AP1G1: variants seen among roughly 807,000 people sequenced by gnomAD.
AP1G1 encodes adaptor related protein complex 1 subunit gamma 1, also known as AP-1 complex subunit gamma-1.
AP1G1 carries 7 observed loss-of-function variants against 108.3 expected under a neutral mutation model. That is an observed-to-expected ratio of 0.06 (90% CI 0.04 to 0.12). The LOEUF (loss-of-function observed/expected upper bound fraction) is 0.12, where lower values mean the gene tolerates loss of function less well. Ranked by LOEUF, AP1G1 falls within the 10% of genes least tolerant of loss-of-function variation. The pLI is 1.00. For synonymous variants in AP1G1, 379 were observed against 353.5 expected (o/e 1.07, Z -0.81); for missense variants, 756 against 1,010.7 (o/e 0.75, Z 3.42).
Position 71,750,267 on chromosome 16 carries a change from C to A in AP1G1, c.1350G>T (p.Glu450Asp). 6.2e-7 allele frequency: 1 copy of A among 1,614,076 alleles called. No homozygotes were observed. The highest frequency in any genetic ancestry group is 8.5e-7 in the Non-Finnish European group (1 of 1,179,958). The change falls in exon 14 of 23, where the codon GAG becomes GAT. Residue 450 changes from glutamate to aspartate, a missense_variant. Glu to Asp is a conservative substitution (Grantham distance 45). This residue lies in a region of AP1G1 where 357 missense variants were observed against 366.5 expected (regional missense o/e 0.97). Coordinates refer to ENST00000299980, the MANE Select transcript of AP1G1 (RefSeq NM_001128.6). ...GGCGCTGGACAGTATAGGCATGCAT[C>A]TCCACACTATTAGTTATTAACTGGA... ...NLIQLITNSV[E>D]MHAYTVQRLY...
intron 21 of AP1G1, among the ~76,000 whole-genome samples, chr16:71,738,715 T>C (rs1261026936): frequency 1.3e-5 from 2 of 152,186 alleles, no homozygotes; most frequent in African/African-American, 4.8e-5. Context: ...TTAGAATTGT[T>C]TTTCTTTATC....
intron 19 of AP1G1, chr16:71,743,360 G>A (rs2029970670): frequency 6.6e-6 from 1 of 152,022 alleles, no homozygotes; most frequent in South Asian, 2.1e-4. Context: ...GTTATCCTAT[G>A]TCTATTTTTT....
chr16:71,753,902 G>A lies in AP1G1; in HGVS notation c.1230-15C>T. On this transcript the variant is annotated splice_polypyrimidine_tract_variant and intron_variant, in intron 12 of 22. Transcript: ENST00000299980. ...AAGGTGCATACCTGAAAAAAACAATGGAAAGGGACACTTGGAACCAGTAAA... is the reference window on the plus strand; with the variant it reads ...AAGGTGCATACCTGAAAAAAACAATAGAAAGGGACACTTGGAACCAGTAAA... The A allele has an allele frequency of 6.2e-7, 1 of 1,612,880 alleles. No individual in the cohort carries two copies. The highest frequency in any genetic ancestry group is 8.5e-7 in the Non-Finnish European group (1 of 1,179,080).
chr16:71,807,853 A>G, intron 1 of AP1G1: 1 of 1,288,726 alleles, frequency 7.8e-7, no homozygotes, highest in Non-Finnish European at 1.0e-6. Context: ...GGGATATATA[A>G]TAGGGGAGAA....
chr16:71,801,646 C>T (rs767170021), intron 1 of AP1G1, among the ~76,000 whole-genome samples: 2 of 152,152 alleles, frequency 1.3e-5, no homozygotes, highest in Non-Finnish European at 2.9e-5. Context: ...CTCTTCAAGG[C>T]CGGGCGCGGT....
Position 71,758,502 on chromosome 16 carries a change from C to T in AP1G1, c.1088+306G>A, listed in dbSNP as rs573402319. 2.5e-5 allele frequency: 14 copies of T among 552,812 alleles called. No individual in the cohort carries two copies. In the East Asian group the frequency reaches 5.7e-4, roughly 23 times the overall value. 34.2% of individuals were successfully genotyped at this position (552,812 alleles called of 1,614,324 possible). On this transcript the variant is annotated intron_variant, in intron 11 of 22. Transcript: ENST00000299980. ...TCCAACACACAAAGCACAGTACCTC[C>T]ACTAGGTAAACTTTTGCCTAGCTTA...
chr16:71,779,716 T>C (rs1232073121), intron 2 of AP1G1, among the ~76,000 whole-genome samples: 1 of 152,148 alleles, frequency 6.6e-6, no homozygotes, highest in East Asian at 1.9e-4. Context: ...TTTCTGGCCT[T>C]TTTACATCTT....
intron 1 of AP1G1, among the ~76,000 whole-genome samples, chr16:71,792,761 G>A (rs776652655): frequency 6.8e-4 from 104 of 152,248 alleles, no homozygotes; most frequent in Non-Finnish European, 1.4e-3. Context: ...GGCTGAGGCA[G>A]GAGAATCGCT....
chr16:71,777,040 C>T (rs528775879), intron 2 of AP1G1, among the ~76,000 whole-genome samples: 4 of 122,666 alleles, frequency 3.3e-5, no homozygotes, highest in Admixed American at 2.2e-4. Flanking sequence ...AATTTGAAGG[C>T]GGGAGGTTGC....
chr16:71,798,595 A>G (rs2032669390), intron 1 of AP1G1, among the ~76,000 whole-genome samples: 1 of 151,954 alleles, frequency 6.6e-6, no homozygotes, highest in Non-Finnish European at 1.5e-5. Flanking sequence ...ATTAAAAGAT[A>G]AATGAGGCCG....
At chr16:71,789,636 G>A (rs531147222) in intron 1 of AP1G1, among the ~76,000 whole-genome samples, 154 bp from the exon 2 acceptor site, 82 of 152,262 alleles carry the variant, frequency 5.4e-4, no homozygotes, top group African/African-American at 1.9e-3. Context: ...CTAAGCTTCC[G>A]CAAAGCTATT....
chr16:71,746,245 C>T (rs2030173579), intron 17 of AP1G1, among the ~76,000 whole-genome samples: 1 of 152,154 alleles, frequency 6.6e-6, no homozygotes, highest in African/African-American at 2.4e-5. Context: ...CTCTTGACCT[C>T]GTGATCTGCC....
rs372259350 is a variant in AP1G1, at chr16:71,753,890, G to A, written c.1230-3C>T. 340 of 1,611,768 alleles carry A rather than the reference G, an allele frequency of 2.1e-4. No homozygotes were observed. Among genetic ancestry groups the A allele is most frequent in the Non-Finnish European group, 1.8e-4 (217 of 1,179,224 alleles). On this transcript the variant is annotated splice_region_variant and splice_polypyrimidine_tract_variant and intron_variant, in intron 12 of 22. Coordinates refer to ENST00000299980, the MANE Select transcript of AP1G1 (RefSeq NM_001128.6). ...GCCATCGTTTGGAAGGTGCATACCT[G>A]AAAAAAACAATGGAAAGGGACACTT...
chr16:71,747,454 C>T (rs899668436), intron 16 of AP1G1: 1 of 152,106 alleles, frequency 6.6e-6, no homozygotes. Flanking sequence ...GTGGTGTGCG[C>T]CTGTAATCCC....
chr16:71,753,998 G>C (rs1295309346), intron 12 of AP1G1, 111 bp from the exon 13 acceptor site: 3 of 988,296 alleles, frequency 3.0e-6, no homozygotes, highest in African/African-American at 3.2e-5. Context: ...CCAACATCTT[G>C]GGAGGCCGAG....
At chr16:71,740,959 G>A (rs2045612013) in intron 19 of AP1G1, among the ~76,000 whole-genome samples, 1 of 152,164 alleles carries the variant, frequency 6.6e-6, no homozygotes, top group African/African-American at 2.4e-5. Context: ...CCTGTGAGGG[G>A]TGGTATAAAG....
In AP1G1 at chr16:71,729,059, C is replaced by G. The variant is rs927301938; in HGVS notation, c.*3999G>C. ...GTCACTGTTCATAATTTGTTTCAACCAAAAGACAGTACACACAGCAGAATT... is the reference window on the plus strand; with the variant it reads ...GTCACTGTTCATAATTTGTTTCAACGAAAAGACAGTACACACAGCAGAATT... On this transcript the variant is annotated 3_prime_UTR_variant, in exon 23 of 23. Transcript: ENST00000299980. 2 of 152,516 alleles carry G rather than the reference C, an allele frequency of 1.3e-5. No individual in the cohort carries two copies. Among genetic ancestry groups the G allele is most frequent in the African/African-American group, 4.8e-5 (2 of 41,390 alleles). The allele number at this position is 152,516 out of a possible 1,614,324, so 9.4% of individuals were successfully genotyped here.
At chr16:71,766,758 A>G (rs926546799) in intron 6 of AP1G1, among the ~76,000 whole-genome samples, 1 of 152,218 alleles carries the variant, frequency 6.6e-6, no homozygotes, top group Non-Finnish European at 1.5e-5. Flanking sequence ...AGCATTCAAA[A>G]CATTAAGGCC....
At chr16:71,749,847 C>T (rs1166431200) in intron 15 of AP1G1, 47 bp downstream of exon 15, 1 of 1,499,420 alleles carries the variant, frequency 6.7e-7, no homozygotes, top group Non-Finnish European at 9.3e-7. Context: ...TCTCCTATAA[C>T]CAAAACCACT....
Sources: gnomAD v4.1 joint callset for allele counts (sites outside exome capture counted in the v4.1 genomes callset) on GRCh38, gnomAD v4.1.1 for gene constraint, gnomAD v4.1.1 regional missense constraint, MANE v1.5 for transcripts, NCBI Gene and HGNC (gene_info 2026-07-23, HGNC 2026-07-21) for gene names.